Variants in ROR2 observed in about 807,000 individuals in gnomAD.
The protein encoded by ROR2 is tyrosine-protein kinase transmembrane receptor ROR2.
A neutral mutation model predicts 74.9 loss-of-function variants in ROR2; 33 were observed. The observed-to-expected ratio is 0.44, with a 90% CI of 0.33 to 0.59. ROR2 has a LOEUF of 0.59. Ranked by LOEUF, ROR2 falls within the 20% of genes least tolerant of loss-of-function variation. ROR2 has a pLI of 0.02. For missense variants in ROR2, 1,216 were observed against 1,313.8 expected, an observed-to-expected ratio of 0.93 and a Z score of 1.15; for synonymous variants, 586 against 558.7, an observed-to-expected ratio of 1.05 and a Z score of -0.69.
intron 6 of ROR2, among the ~76,000 whole-genome samples, chr9:91,732,367 G>A (rs1197192184): frequency 6.6e-6 from 1 of 152,160 alleles, no homozygotes; most frequent in East Asian, 1.9e-4. Context: ...CAGAGGGCAG[G>A]GGCTGCTGCC....
chr9:91,733,090 C>T lies in ROR2; in HGVS notation c.937+32G>A, dbSNP rs1837303583. 1 of 1,554,838 alleles carries T rather than the reference C, an allele frequency of 6.4e-7. No homozygotes were observed. The highest frequency in any genetic ancestry group is 8.7e-7 in the Non-Finnish European group (1 of 1,153,368). ...CAAGGGCCCTACACTCCCTGCGCCC[C>T]CCGGTCCCGCCCCGGGCCCTCGGGC... On this transcript the variant is annotated intron_variant, in intron 6 of 8. Transcript: ENST00000375708. The surrounding 1 kb of genome is among the most constrained non-coding windows in gnomAD (Gnocchi z 5.7).
chr9:91,726,710 T>G lies in ROR2; in HGVS notation c.1217A>C (p.Tyr406Ser). 6.2e-7 allele frequency: 1 copy of G among 1,614,014 alleles called. No homozygotes were observed. The highest frequency in any genetic ancestry group is 1.1e-5 in the South Asian group (1 of 91,040). Residue 406 changes from tyrosine to serine, a missense_variant, in exon 8 of 9, where the codon TAC becomes TCC. Coordinates refer to ENST00000375708, the MANE Select transcript of ROR2 (RefSeq NM_004560.4). ...PRDSSKMGILYILVPSIAIPL... is the reference protein window; with the variant it reads ...PRDSSKMGILSILVPSIAIPL... ...AATTGCGATGCTGGGGACCAAGATG[T>G]ACAGAATCCCCATCTTGCTGCTGTC...
intron 1 of ROR2, among the ~76,000 whole-genome samples, chr9:91,803,516 C>G (rs1020978489): frequency 2.6e-5 from 4 of 152,220 alleles, no homozygotes; most frequent in African/African-American, 9.6e-5. Context: ...GGTTAAGATG[C>G]TAAATTTTCT....
At chr9:91,866,503 C>T (rs1330795583) in intron 1 of ROR2, among the ~76,000 whole-genome samples, 2 of 149,432 alleles carry the variant, frequency 1.3e-5, no homozygotes, top group Non-Finnish European at 3.0e-5. Context: ...CTGCAACCTC[C>T]ACCTGCCAGG....
At chr9:91,796,331 G>A (rs1489262778) in intron 1 of ROR2, among the ~76,000 whole-genome samples, 1 of 151,466 alleles carries the variant, frequency 6.6e-6, no homozygotes, top group African/African-American at 2.4e-5. Context: ...TACTCTGGAG[G>A]CTGAAGTGGG....
Position 91,772,460 on chromosome 9 carries a change from G to A in ROR2, c.175+3281C>T, listed in dbSNP as rs78332405. Among the ~76,000 whole-genome samples, 245 of 152,322 alleles carry A rather than the reference G, an allele frequency of 1.6e-3. 1 individual carries two copies. The highest frequency in any genetic ancestry group is 5.7e-3 in the African/African-American group (238 of 41,562). On this transcript the variant is annotated intron_variant, in intron 2 of 8. Transcript: ENST00000375708. ...CCCAAGGCCCTGACCCCAGGGGGAA[G>A]GGTGAAGCCACCATTTATCCAGGCC...
At chr9:91,824,388 C>A (rs995708771) in intron 1 of ROR2, among the ~76,000 whole-genome samples, 1 of 152,246 alleles carries the variant, frequency 6.6e-6, no homozygotes. Flanking sequence ...CATCCCCTGG[C>A]ACTTCATGTT....
chr9:91,768,653 CA>C (rs546832829), intron 2 of ROR2, among the ~76,000 whole-genome samples: 247 of 152,322 alleles, frequency 1.6e-3, no homozygotes, highest in African/African-American at 5.6e-3. Context: ...GGGAGAAAGA[CA>C]GGGGCTGATC....
intron 1 of ROR2, among the ~76,000 whole-genome samples, chr9:91,857,019 A>C (rs1829312787): frequency 6.6e-6 from 1 of 152,166 alleles, no homozygotes. Flanking sequence ...ATCCGTGTTC[A>C]CTCCCAGAGC....
At chr9:91,838,696 G>A (rs1022990699) in intron 1 of ROR2, among the ~76,000 whole-genome samples, 1 of 145,908 alleles carries the variant, frequency 6.9e-6, no homozygotes, top group East Asian at 2.1e-4. Context: ...CGGCGCAGGA[G>A]ACCCCGCTGC....
At chr9:91,725,810 C>A (rs1043549574) in intron 8 of ROR2, among the ~76,000 whole-genome samples, 1 of 152,122 alleles carries the variant, frequency 6.6e-6, no homozygotes, top group Non-Finnish European at 1.5e-5. Flanking sequence ...CCTGGGCCTC[C>A]GTGCAAGCCC....
In ROR2 at chr9:91,920,962, C is replaced by T. The variant is rs539369167; in HGVS notation, c.97+28905G>A. Reference sequence around the variant, plus strand: ...GAAAATAACTCATATTGAAACCAGCCAGAGACTGTTTAGGATAGCCAAGCC... The same window carrying T: ...GAAAATAACTCATATTGAAACCAGCTAGAGACTGTTTAGGATAGCCAAGCC... On this transcript the variant is annotated intron_variant, in intron 1 of 8. Transcript: ENST00000375708. Among the ~76,000 whole-genome samples the T allele has an allele frequency of 9.8e-5, 15 of 152,348 alleles. No homozygotes were observed. The East Asian group carries it at 1.3e-3, about 14-fold the overall frequency.
intron 6 of ROR2, among the ~76,000 whole-genome samples, chr9:91,732,235 G>A (rs143004274): frequency 2.0e-5 from 3 of 152,320 alleles, no homozygotes; most frequent in African/African-American, 7.2e-5. Context: ...CCGTATGGAT[G>A]CAGTGATGTC....
At chr9:91,756,551 TCCCCACCCCAGCCAGGTCAGCCTCGGG>T (rs1370491706) in intron 3 of ROR2, among the ~76,000 whole-genome samples, 3 of 151,770 alleles carry the variant, frequency 2.0e-5, no homozygotes, top group South Asian at 4.2e-4. Context: ...CTCAGCTCTC[TCCCCACCCCAGCCAGGTCAGCCTCGGG>T]CCCTACCTAG....
chr9:91,922,258 A>C (rs1318106159), intron 1 of ROR2, among the ~76,000 whole-genome samples: 1 of 152,158 alleles, frequency 6.6e-6, no homozygotes, highest in African/African-American at 2.4e-5. Flanking sequence ...AAAAAAAAAA[A>C]CATGGAATGA....
chr9:91,772,517 G>A (rs1358086100), intron 2 of ROR2, among the ~76,000 whole-genome samples: 1 of 152,226 alleles, frequency 6.6e-6, no homozygotes, highest in African/African-American at 2.4e-5. Flanking sequence ...TCAGAACTGT[G>A]ATACTATACT....
chr9:91,807,015 G>A (rs939118347), intron 1 of ROR2, among the ~76,000 whole-genome samples: 1 of 152,132 alleles, frequency 6.6e-6, no homozygotes, highest in Non-Finnish European at 1.5e-5. Context: ...CCTTTCACCT[G>A]CCCAAAGCAG....
At chr9:91,826,557 G>A (rs533178154) in intron 1 of ROR2, among the ~76,000 whole-genome samples, 15 of 152,130 alleles carry the variant, frequency 9.9e-5, no homozygotes, top group African/African-American at 2.4e-4. Flanking sequence ...TGAGGCGGGC[G>A]GATCACAAGG....
intron 1 of ROR2, among the ~76,000 whole-genome samples, chr9:91,796,801 G>A (rs1827193081): frequency 7.8e-6 from 1 of 128,806 alleles, no homozygotes; most frequent in Admixed American, 7.5e-5. Context: ...TGTGGGTGGG[G>A]AATGACACCC....
Sources: gnomAD v4.1 joint callset for allele counts (sites outside exome capture counted in the v4.1 genomes callset) on GRCh38, gnomAD v4.1.1 for gene constraint, Gnocchi (gnomAD v3.1) non-coding constraint, MANE v1.5 for transcripts, NCBI Gene and HGNC (gene_info 2026-07-23, HGNC 2026-07-21) for gene names.